TAFA2: variants seen among roughly 807,000 people sequenced by gnomAD.
TAFA2 encodes TAFA chemokine like family member 2, also known as chemokine-like protein TAFA-2.
In TAFA2, 7 loss-of-function variants were observed where a neutral mutation model predicts 18.8. That is an observed-to-expected ratio of 0.37 (90% confidence interval 0.21 to 0.70). The LOEUF (loss-of-function observed/expected upper bound fraction) is 0.70. Among genes scored for constraint, TAFA2 ranks in the 30% least tolerant of loss-of-function variants. The probability of loss-of-function intolerance (pLI) is 0.53; values close to 1 mark genes in which losing one functional copy is unlikely to be tolerated. For synonymous variants in TAFA2, 60 were observed against 54.2 expected, an observed-to-expected ratio of 1.11 and a Z score of -0.47; for missense variants, 122 against 158.1, an observed-to-expected ratio of 0.77 and a Z score of 1.23.
At chr12:61,993,794 G>A (rs74786507) in intron 1 of TAFA2, among the ~76,000 whole-genome samples, 34 of 152,256 alleles carry the variant, frequency 2.2e-4, no homozygotes, top group African/African-American at 8.2e-4. Context: ...AGAGACTAAA[G>A]TGTTCATGTT....
intron 4 of TAFA2, among the ~76,000 whole-genome samples, chr12:61,740,296 C>T (rs1868386721): frequency 6.6e-6 from 1 of 151,744 alleles, no homozygotes; most frequent in Admixed American, 6.6e-5. Flanking sequence ...CACATGGACA[C>T]AGGGGTGGGG....
chr12:62,099,734 TATG>T lies in TAFA2; in HGVS notation c.-2+91522_-2+91524del, dbSNP rs570235183. 1.1e-4 allele frequency among the ~76,000 whole-genome samples: 17 copies of T among 152,232 alleles called. 2 individuals are homozygous for T. In the South Asian group the frequency reaches 3.3e-3, roughly 30 times the overall value. On this transcript the variant is annotated intron_variant, in intron 1 of 4. Coordinates refer to ENST00000416284, the MANE Select transcript of TAFA2 (RefSeq NM_178539.5). ...GCCCTTGCTGGCTGCACTTCACATATATGATGTCATCCCAGCCCCGTGGCACCC... is the reference window on the plus strand; with the variant it reads ...GCCCTTGCTGGCTGCACTTCACATATATGTCATCCCAGCCCCGTGGCACCC...
At chr12:62,001,685 C>G (rs1880380684) in intron 1 of TAFA2, among the ~76,000 whole-genome samples, 1 of 152,092 alleles carries the variant, frequency 6.6e-6, no homozygotes, top group South Asian at 2.1e-4. Context: ...TGCCCTCCTG[C>G]TGCTCACCCC....
chr12:62,088,092 G>C (rs932182084), intron 1 of TAFA2, among the ~76,000 whole-genome samples: 3 of 151,858 alleles, frequency 2.0e-5, no homozygotes, highest in Non-Finnish European at 2.9e-5. Context: ...AAGAACAAAG[G>C]AAAAATAAGA....
intron 1 of TAFA2, among the ~76,000 whole-genome samples, chr12:61,952,912 C>T (rs1023192590): frequency 1.3e-5 from 2 of 151,994 alleles, no homozygotes; most frequent in Admixed American, 6.6e-5. Flanking sequence ...GATCATTTCT[C>T]CTCTTTTATA....
At chr12:62,022,195 G>A in intron 1 of TAFA2, 1 of 324,934 alleles carries the variant, frequency 3.1e-6, no homozygotes, top group Non-Finnish European at 6.2e-6. Context: ...TTCTAAAACT[G>A]GATTAGATAA....
At chr12:61,938,058 C>G (rs1877842946) in intron 1 of TAFA2, among the ~76,000 whole-genome samples, 1 of 151,856 alleles carries the variant, frequency 6.6e-6, no homozygotes, top group Admixed American at 6.6e-5. Context: ...TAAATGCTCA[C>G]CATCACTAAT....
chr12:62,089,982 T>C (rs978627036), intron 1 of TAFA2, among the ~76,000 whole-genome samples: 3 of 152,102 alleles, frequency 2.0e-5, no homozygotes, highest in Non-Finnish European at 4.4e-5. Context: ...TGAATAACAC[T>C]GAGATGTTAT....
intron 1 of TAFA2, among the ~76,000 whole-genome samples, chr12:62,086,002 T>A (rs1868434266): frequency 6.6e-6 from 1 of 152,126 alleles, no homozygotes; most frequent in Non-Finnish European, 1.5e-5. Flanking sequence ...AGTTTCTTGC[T>A]TTCCCTTCTC....
intron 2 of TAFA2, among the ~76,000 whole-genome samples, chr12:61,849,386 C>T (rs1021944540): frequency 4.6e-5 from 7 of 152,278 alleles, no homozygotes; most frequent in Middle Eastern, 3.4e-3. Context: ...AATGAACTTA[C>T]AAACTATTTA....
intron 1 of TAFA2, among the ~76,000 whole-genome samples, chr12:61,940,118 A>G (rs1353599335): frequency 6.6e-6 from 1 of 152,216 alleles, no homozygotes; most frequent in Non-Finnish European, 1.5e-5. Context: ...CCCAGGCCCC[A>G]CTGTGGTTAC....
rs988804863 is a variant in TAFA2, at chr12:61,986,170, T to C, written c.-1-118744A>G. On this transcript the variant is annotated intron_variant, in intron 1 of 4. Transcript: ENST00000416284. ...AATCTAAGCTCTTCTTTTTTTTTTT[T>C]TTTTTTTTTTTTTTTTGTCTCACTC... Among the ~76,000 whole-genome samples, 15 of 137,018 alleles carry C rather than the reference T, an allele frequency of 1.1e-4. No individual in the cohort carries two copies. The East Asian group carries it at 2.6e-3, about 24-fold the overall frequency. 89.9% of individuals were successfully genotyped at this position (137,018 alleles called of 152,430 possible). A position where few individuals can be genotyped will look rare whatever the true frequency, so the allele number is the denominator to read the frequency against.
At chr12:62,092,220 T>C (rs1021822875) in intron 1 of TAFA2, among the ~76,000 whole-genome samples, 1 of 151,958 alleles carries the variant, frequency 6.6e-6, no homozygotes, top group African/African-American at 2.4e-5. Flanking sequence ...CAGATTGTCC[T>C]ATTAAACCAC....
At chr12:62,249,746 G>A (rs974938547) in intron 1 of TAFA2, among the ~76,000 whole-genome samples, 1 of 152,124 alleles carries the variant, frequency 6.6e-6, no homozygotes, top group Non-Finnish European at 1.5e-5. Context: ...AAAAGTGTGA[G>A]GTCTACATTT....
chr12:61,761,583 A>C (rs1369114844), intron 2 of TAFA2, among the ~76,000 whole-genome samples: 1 of 152,098 alleles, frequency 6.6e-6, no homozygotes, highest in Non-Finnish European at 1.5e-5. Flanking sequence ...CATTGACTGA[A>C]TATTTATTGT....
At position 61,766,717 on chromosome 12, in the gene TAFA2, T is replaced by A. The variant is rs1869808373; in HGVS notation, c.107-11693A>T. The stretch of plus-strand genomic sequence containing the variant: ...AAAATTAAAATAATTGAAGAACAAA[T>A]GAATAAATGAATGGTTTACTACAAG... On this transcript the variant is annotated intron_variant, in intron 2 of 4. Coordinates refer to ENST00000416284, the MANE Select transcript of TAFA2 (RefSeq NM_178539.5). Among the ~76,000 whole-genome samples, 3 of 152,094 alleles carry A rather than the reference T, an allele frequency of 2.0e-5. No homozygotes were observed. The South Asian group carries it at 6.2e-4, about 32-fold the overall frequency.
intron 1 of TAFA2, among the ~76,000 whole-genome samples, chr12:62,048,477 T>C: frequency 6.6e-6 from 1 of 152,152 alleles, no homozygotes; most frequent in East Asian, 1.9e-4. Context: ...AAGATGAGAT[T>C]TGGGTGGGCA....
intron 1 of TAFA2, chr12:61,880,502 CT>C: frequency 1.9e-6 from 1 of 529,668 alleles, no homozygotes; most frequent in Non-Finnish European, 3.8e-6. Flanking sequence ...CTACAAGAAG[CT>C]GCTGGAGGGT....
chr12:61,971,507 A>G (rs1344013126), intron 1 of TAFA2, among the ~76,000 whole-genome samples: 1 of 151,764 alleles, frequency 6.6e-6, no homozygotes, highest in East Asian at 1.9e-4. Context: ...AAAAAAAGAA[A>G]ATGTGGCACA....
Sources: gnomAD v4.1 joint callset for allele counts (sites outside exome capture counted in the v4.1 genomes callset) on GRCh38, gnomAD v4.1.1 for gene constraint, MANE v1.5 for transcripts, NCBI Gene and HGNC (gene_info 2026-07-23, HGNC 2026-07-21) for gene names.